Variants in ARHGAP5 observed in about 807,000 individuals in gnomAD.
ARHGAP5 encodes the protein Rho GTPase activating protein 5, also known as rho GTPase-activating protein 5.
A neutral mutation model predicts 116.6 loss-of-function variants in ARHGAP5; 23 were observed. The observed-to-expected ratio is 0.20, with a 90% confidence interval of 0.14 to 0.28. The LOEUF (loss-of-function observed/expected upper bound fraction) is 0.28. Ranked by LOEUF, ARHGAP5 falls within the 10% of genes least tolerant of loss-of-function variation. The probability of loss-of-function intolerance (pLI) is 1.00; values close to 1 mark genes in which losing one functional copy is unlikely to be tolerated. For synonymous variants in ARHGAP5, 574 were observed against 602.0 expected (o/e 0.95, Z 0.68); for missense variants, 1,405 against 1,774.8 (o/e 0.79, Z 3.74).
intron 3 of ARHGAP5, among the ~76,000 whole-genome samples, chr14:32,141,170 A>G (rs997870596): frequency 4.6e-5 from 7 of 152,104 alleles, no homozygotes; most frequent in African/African-American, 1.7e-4. Flanking sequence ...GTACTTTTCT[A>G]TCCTTTTACG....
chr14:32,120,176 T>G (rs1042410069), intron 3 of ARHGAP5, among the ~76,000 whole-genome samples: 10 of 151,986 alleles, frequency 6.6e-5, no homozygotes, highest in African/African-American at 2.2e-4. Context: ...GCATTGGTTG[T>G]TTGTGTGTTT....
chr14:32,077,533 T>C, intron 1 of ARHGAP5, 98 bp downstream of exon 1: 1 of 626,580 alleles, frequency 1.6e-6, no homozygotes, highest in Non-Finnish European at 2.9e-6. Flanking sequence ...CCGCTGCCGG[T>C]TGTAACCAGT....
chr14:32,097,895 C>T (rs1307557008), intron 2 of ARHGAP5, among the ~76,000 whole-genome samples: 5 of 152,134 alleles, frequency 3.3e-5, no homozygotes, highest in African/African-American at 1.2e-4. Context: ...TATCAAGTCC[C>T]CAGGAATAAT....
At chr14:32,128,479 C>T (rs1179818309) in intron 3 of ARHGAP5, among the ~76,000 whole-genome samples, 8 of 152,254 alleles carry the variant, frequency 5.3e-5, no homozygotes, top group Non-Finnish European at 8.8e-5. Flanking sequence ...CTTCACCTCG[C>T]TGGGCTCTGG....
chr14:32,081,702 C>T (rs1434427434), intron 1 of ARHGAP5, among the ~76,000 whole-genome samples: 3 of 151,988 alleles, frequency 2.0e-5, no homozygotes, highest in Non-Finnish European at 4.4e-5. Context: ...TGTCTAGTTA[C>T]TGTATTTGGT....
chr14:32,112,883 A>T (rs1324407185), intron 2 of ARHGAP5, among the ~76,000 whole-genome samples: 3 of 152,046 alleles, frequency 2.0e-5, no homozygotes, highest in Non-Finnish European at 2.9e-5. Context: ...AAAAAAAAAA[A>T]TTGGATTTTC....
intron 2 of ARHGAP5, among the ~76,000 whole-genome samples, chr14:32,105,787 C>T (rs1476686402): frequency 6.6e-6 from 1 of 152,152 alleles, no homozygotes; most frequent in Non-Finnish European, 1.5e-5. Flanking sequence ...TCTCCTCACC[C>T]ATCCCTAACC....
At position 32,091,804 on chromosome 14, in the gene ARHGAP5, G is replaced by A; in HGVS notation, c.1135G>A (p.Val379Met). ...EKRADFQLCF[V>M]VLEKTPWDET... ...GAGAGCAGATTTCCAGTTATGTTTTGTGGTGCTAGAAAAAACTCCTTGGGA... is the reference window on the plus strand; with the variant it reads ...GAGAGCAGATTTCCAGTTATGTTTTATGGTGCTAGAAAAAACTCCTTGGGA... Residue 379 changes from valine to methionine, a missense_variant, in exon 2 of 7, where the codon GTG becomes ATG. By Grantham distance (21) the Val-to-Met change is conservative. Around this residue, in one of 6 missense-constraint regions of ARHGAP5, gnomAD observed 944 missense variants for 1,095.3 expected, o/e 0.86. Transcript: ENST00000345122. 1 of 1,613,558 alleles carries A rather than the reference G, an allele frequency of 6.2e-7. No individual in the cohort carries two copies. Among genetic ancestry groups the A allele is most frequent in the Non-Finnish European group, 8.5e-7 (1 of 1,179,630 alleles).
chr14:32,148,216 A>ATATC (rs1204114558), intron 4 of ARHGAP5, among the ~76,000 whole-genome samples: 1 of 150,858 alleles, frequency 6.6e-6, no homozygotes. Flanking sequence ...CTATCTATGT[A>ATATC]TATCTATCTA....
chr14:32,102,895 T>TGG (rs1566666170), intron 2 of ARHGAP5, among the ~76,000 whole-genome samples: 1 of 152,232 alleles, frequency 6.6e-6, no homozygotes, highest in Admixed American at 6.5e-5. Flanking sequence ...AATATGGGGA[T>TGG]GACTTGGTCA....
intron 3 of ARHGAP5, among the ~76,000 whole-genome samples, chr14:32,124,041 C>G (rs111886838): frequency 6.6e-6 from 1 of 152,130 alleles, no homozygotes; most frequent in African/African-American, 2.4e-5. Context: ...GTGTATTTCT[C>G]CATCTTTTTG....
Position 32,091,841 on chromosome 14 carries a change from A to T in ARHGAP5, c.1172A>T (p.His391Leu). Residue 391 changes from histidine (H) to leucine (L), a missense_variant, in exon 2 of 7, where the codon CAT becomes CTT. This residue lies in a region of ARHGAP5 where 944 missense variants were observed against 1,095.3 expected (regional missense o/e 0.86). Transcript: ENST00000345122. ...AAAACTCCTTGGGATGAAACTGACC[A>T]TATAGACAAAATTAATGATAGGCGG... ...LEKTPWDETD[H>L]IDKINDRRIP... 2 of 1,613,502 alleles carry T rather than the reference A, an allele frequency of 1.2e-6. No individual in the cohort carries two copies. The highest frequency in any genetic ancestry group is 1.7e-6 in the Non-Finnish European group (2 of 1,179,606).
intron 2 of ARHGAP5, among the ~76,000 whole-genome samples, chr14:32,098,180 A>G (rs1878623793): frequency 6.6e-6 from 1 of 152,208 alleles, no homozygotes. Context: ...GCAGGGTGGA[A>G]TGGTGGTAGT....
Position 32,094,056 on chromosome 14 carries a change from C to A in ARHGAP5, c.3387C>A (p.Thr1129=). The A allele has an allele frequency of 6.2e-7, 1 of 1,613,836 alleles. No homozygotes were observed. Among genetic ancestry groups the A allele is most frequent in the Non-Finnish European group, 8.5e-7 (1 of 1,179,946 alleles). ...TTCGAAACTCATTTGTAAATAACAC[C>A]CAAGGAGATGAAGAAAATGGGTTTT... The part of the protein sequence containing the change: ...IKIRNSFVNN[T]QGDEENGFSD... Residue 1129 remains threonine (T), a synonymous_variant, in exon 2 of 7, where the codon ACC becomes ACA. Coordinates refer to ENST00000345122, the MANE Select transcript of ARHGAP5 (RefSeq NM_001030055.2).
rs1001157858 is a variant in ARHGAP5, at chr14:32,158,768, C to T, written c.*3820C>T. 8 of 151,956 alleles carry T rather than the reference C, an allele frequency of 5.3e-5. No homozygotes were observed. The highest frequency in any genetic ancestry group is 2.1e-4 in the South Asian group (1 of 4,826). The allele number at this position is 151,956 out of a possible 1,614,324, so 9.4% of individuals were successfully genotyped here. ...TTCTAAGATTTAATAAGGGAAGATA[C>T]TATTCAAATCATTTTCTTAGGATAG... On this transcript the variant is annotated 3_prime_UTR_variant, in exon 7 of 7. Coordinates refer to ENST00000345122, the MANE Select transcript of ARHGAP5 (RefSeq NM_001030055.2).
chr14:32,091,510 C>T lies in ARHGAP5; in HGVS notation c.841C>T (p.Gln281Ter). 6.2e-7 allele frequency: 1 copy of T among 1,612,986 alleles called. No homozygotes were observed. The highest frequency in any genetic ancestry group is 8.5e-7 in the Non-Finnish European group (1 of 1,179,426). ...AACAGATAAGTTTGAAAAACTTGTG[C>T]AGACTGTGAGAGATTATCATGCAAC... is the stretch of plus-strand genomic sequence containing the variant. ...TATDKFEKLV[Q>*]TVRDYHATWK... The change falls in exon 2 of 7, where the codon CAG (glutamine) becomes TAG (stop). Residue 281 changes from glutamine to a stop codon, truncating the protein, a stop_gained. Coordinates refer to ENST00000345122, the MANE Select transcript of ARHGAP5 (RefSeq NM_001030055.2). LOFTEE classifies it high-confidence loss of function.
chr14:32,118,121 TGTAC>T (rs1375715805), intron 3 of ARHGAP5, among the ~76,000 whole-genome samples: 2 of 152,218 alleles, frequency 1.3e-5, no homozygotes, highest in East Asian at 3.8e-4. Flanking sequence ...ATTTTTCACA[TGTAC>T]ACCTTGCCCT....
At chr14:32,137,564 A>T (rs542996520) in intron 3 of ARHGAP5, among the ~76,000 whole-genome samples, 1 of 152,162 alleles carries the variant, frequency 6.6e-6, no homozygotes, top group Non-Finnish European at 1.5e-5. Flanking sequence ...CCTGCAATTG[A>T]ATGTGAATTT....
At chr14:32,134,606 C>A (rs1184525554) in intron 3 of ARHGAP5, among the ~76,000 whole-genome samples, 1 of 152,094 alleles carries the variant, frequency 6.6e-6, no homozygotes, top group Non-Finnish European at 1.5e-5. Context: ...AATAGCCGGC[C>A]TATTGAACTA....
Sources: allele counts gnomAD v4.1 joint callset (sites outside exome capture counted in the v4.1 genomes callset), GRCh38; gene constraint gnomAD v4.1.1; regional missense constraint gnomAD v4.1.1; transcripts MANE v1.5; gene names NCBI Gene and HGNC (gene_info 2026-07-23, HGNC 2026-07-21).